The following SLC16A14 variants were observed in gnomAD, a reference collection of about 807,000 sequenced individuals.
SLC16A14 encodes solute carrier family 16 member 14, also known as monocarboxylate transporter 14.
SLC16A14 carries 14 observed loss-of-function variants against 35.8 expected under a neutral mutation model. The observed-to-expected ratio is 0.39, with a 90% CI of 0.26 to 0.61. SLC16A14 has a LOEUF of 0.61. Among genes scored for constraint, SLC16A14 ranks in the 20% least tolerant of loss-of-function variants. SLC16A14 has a pLI of 0.51. For missense variants in SLC16A14, 533 were observed against 655.0 expected (o/e 0.81, Z 2.03); for synonymous variants, 248 against 258.9 (o/e 0.96, Z 0.40).
intron 1 of SLC16A14, among the ~76,000 whole-genome samples, chr2:230,059,820 C>G (rs1425729982): frequency 6.6e-6 from 1 of 152,162 alleles, no homozygotes; most frequent in Non-Finnish European, 1.5e-5. Context: ...GGTGGGGTCC[C>G]TAGCAGAGGA....
intron 4 of SLC16A14, 77 bp from the exon 5 acceptor site, chr2:230,037,608 T>C: frequency 8.2e-7 from 1 of 1,212,908 alleles, no homozygotes; most frequent in Non-Finnish European, 1.1e-6. Context: ...CAGGCATTTA[T>C]TGCTGCTGTA....
intron 2 of SLC16A14, among the ~76,000 whole-genome samples, chr2:230,058,061 G>A (rs1362611039): frequency 1.3e-5 from 2 of 151,828 alleles, no homozygotes; most frequent in Admixed American, 6.6e-5. Flanking sequence ...ACTCTGAAAT[G>A]AGATTGTTAC....
At chr2:230,045,585 T>A (rs1455885615) in intron 4 of SLC16A14, 160 bp downstream of exon 4, 6 of 835,322 alleles carry the variant, frequency 7.2e-6, no homozygotes, top group Non-Finnish European at 1.1e-5. Flanking sequence ...AGAATAGGCT[T>A]TAACTTGCTA....
At chr2:230,039,678 A>G (rs1182633362) in intron 4 of SLC16A14, among the ~76,000 whole-genome samples, 1 of 152,170 alleles carries the variant, frequency 6.6e-6, no homozygotes, top group Non-Finnish European at 1.5e-5. Flanking sequence ...CTCATAGTCC[A>G]CTCATCTCCA....
intron 4 of SLC16A14, 98 bp downstream of exon 4, chr2:230,045,647 T>C: frequency 1.5e-6 from 2 of 1,348,638 alleles, no homozygotes; most frequent in Non-Finnish European, 1.0e-6. Flanking sequence ...AAAAGGAAAA[T>C]GTACACAAAT....
At chr2:230,061,379 A>G (rs2077750716) in intron 1 of SLC16A14, among the ~76,000 whole-genome samples, 2 of 152,240 alleles carry the variant, frequency 1.3e-5, no homozygotes, top group South Asian at 4.1e-4. Flanking sequence ...CTGGTTTTAC[A>G]GTTGACCCTG....
At chr2:230,053,672 T>G (rs1184583117) in intron 2 of SLC16A14, among the ~76,000 whole-genome samples, 1 of 152,022 alleles carries the variant, frequency 6.6e-6, no homozygotes, top group Non-Finnish European at 1.5e-5. Context: ...TGCCAGCTAC[T>G]TGGGAGGCTG....
chr2:230,067,981 C>T (rs2077815805), intron 1 of SLC16A14: 1 of 152,322 alleles, frequency 6.6e-6, no homozygotes, highest in Non-Finnish European at 1.5e-5. Flanking sequence ...GACCACATCC[C>T]CACTTCGGGC....
intron 1 of SLC16A14, among the ~76,000 whole-genome samples, chr2:230,067,534 T>TTCTCTCTCTCTCTCTCTCTCTCTCTCTC (rs145179402): frequency 6.2e-5 from 8 of 128,434 alleles, no homozygotes; most frequent in African/African-American, 2.2e-4. Context: ...CTCCCCTCTC[T>TTCTCTCTCTCTCTCTCTCTCTCTCTCTC]TCTCTCTCTC....
At chr2:230,059,778 CT>C (rs2077736648) in intron 1 of SLC16A14, among the ~76,000 whole-genome samples, 1 of 152,222 alleles carries the variant, frequency 6.6e-6, no homozygotes, top group Non-Finnish European at 1.5e-5. Context: ...GAAGATCTGG[CT>C]TCAGGCAGCC....
At chr2:230,058,028 T>TA (rs35641768) in intron 2 of SLC16A14, among the ~76,000 whole-genome samples, 40 of 134,414 alleles carry the variant, frequency 3.0e-4, no homozygotes, top group Admixed American at 6.5e-4. Flanking sequence ...GACTCTGTCT[T>TA]AAAAAAAAAA....
chr2:230,061,894 A>C (rs775233508), intron 1 of SLC16A14, among the ~76,000 whole-genome samples: 13 of 152,046 alleles, frequency 8.6e-5, no homozygotes, highest in Non-Finnish European at 1.5e-4. Flanking sequence ...GGCATGTGCC[A>C]CCACACCTGG....
intron 4 of SLC16A14, among the ~76,000 whole-genome samples, chr2:230,039,926 A>G (rs998405137): frequency 1.3e-5 from 2 of 152,158 alleles, no homozygotes; most frequent in Non-Finnish European, 2.9e-5. Context: ...TTTTGGTGGA[A>G]GTGGTTGATT....
chr2:230,039,105 C>T (rs2077539969), intron 4 of SLC16A14, among the ~76,000 whole-genome samples: 1 of 151,588 alleles, frequency 6.6e-6, no homozygotes, highest in South Asian at 2.1e-4. Context: ...TGGTTGTTAT[C>T]TGTATCTCTT....
At chr2:230,059,736 A>C (rs932988326) in intron 1 of SLC16A14, among the ~76,000 whole-genome samples, 1 of 152,212 alleles carries the variant, frequency 6.6e-6, no homozygotes, top group African/African-American at 2.4e-5. Flanking sequence ...AGAGATGGAT[A>C]CTGACAGGTG....
intron 4 of SLC16A14, among the ~76,000 whole-genome samples, chr2:230,044,149 G>A (rs545140804): frequency 6.6e-6 from 1 of 152,190 alleles, no homozygotes; most frequent in African/African-American, 2.4e-5. Flanking sequence ...TTTCCCAGGT[G>A]AGCCCAATGT....
intron 4 of SLC16A14, among the ~76,000 whole-genome samples, chr2:230,044,994 G>T (rs140976029): frequency 4.5e-4 from 69 of 152,276 alleles, no homozygotes; most frequent in Non-Finnish European, 7.8e-4. Flanking sequence ...CTGCCACATG[G>T]TGTTTTGGAA....
intron 1 of SLC16A14, among the ~76,000 whole-genome samples, chr2:230,067,575 A>T (rs764632625): frequency 1.5e-3 from 199 of 131,234 alleles, no homozygotes; most frequent in African/African-American, 6.3e-3. Context: ...TCTCTCTCAC[A>T]CACACACACA....
rs896765139 is a variant in SLC16A14 at position 230,068,420 on chromosome 2, G to A, written c.-15+135C>T. On this transcript the variant is annotated intron_variant, in intron 1 of 4. Transcript: ENST00000295190. The surrounding 1 kb of genome is among the most constrained non-coding windows in gnomAD (Gnocchi z 5.1). ...CTCCACCGCCCGGGCAGCCTTTCCCGAGCCTGCCTTGGGCTGGGGCTGCCC... is the reference window on the plus strand; with the variant it reads ...CTCCACCGCCCGGGCAGCCTTTCCCAAGCCTGCCTTGGGCTGGGGCTGCCC... 6.6e-6 allele frequency: 1 copy of A among 152,520 alleles called. No homozygotes were observed. Among genetic ancestry groups the A allele is most frequent in the Admixed American group, 6.5e-5 (1 of 15,290 alleles). 9.4% of individuals were successfully genotyped at this position (152,520 alleles called of 1,614,324 possible). A position where few individuals can be genotyped will look rare whatever the true frequency, so the allele number is the denominator to read the frequency against.
Sources: gnomAD v4.1 joint callset for allele counts (sites outside exome capture counted in the v4.1 genomes callset) on GRCh38, gnomAD v4.1.1 for gene constraint, Gnocchi (gnomAD v3.1) non-coding constraint, MANE v1.5 for transcripts, NCBI Gene and HGNC (gene_info 2026-07-23, HGNC 2026-07-21) for gene names.